Variants in MTA3 observed in about 807,000 individuals in gnomAD.
MTA3 encodes the protein metastasis associated 1 family member 3.
In MTA3, 34 loss-of-function variants were observed where a neutral mutation model predicts 83.5. The ratio of observed to expected loss-of-function variants is 0.41; its 90% confidence interval spans 0.31 to 0.54. The LOEUF (loss-of-function observed/expected upper bound fraction) is 0.54, where lower values mean the gene tolerates loss of function less well. MTA3 is among the 20% of genes least tolerant of loss of function. The pLI is 0.33. For synonymous variants in MTA3, 303 were observed against 252.7 expected (o/e 1.20, Z -1.89); for missense variants, 761 against 726.4 (o/e 1.05, Z -0.55).
intron 16 of MTA3, among the ~76,000 whole-genome samples, chr2:42,725,575 C>T (rs1469185866): frequency 6.6e-6 from 1 of 152,194 alleles, no homozygotes; most frequent in African/African-American, 2.4e-5. Flanking sequence ...TGGGAGAGCA[C>T]AAGGAAGAAG....
chr2:42,700,693 A>G (rs1454754087), intron 11 of MTA3, among the ~76,000 whole-genome samples: 5 of 152,236 alleles, frequency 3.3e-5, no homozygotes, highest in Admixed American at 2.6e-4. Flanking sequence ...AGATTTTTAA[A>G]AAAAGGAATA....
chr2:42,662,278 C>G (rs1006298632), intron 8 of MTA3, among the ~76,000 whole-genome samples: 1 of 151,726 alleles, frequency 6.6e-6, no homozygotes, highest in African/African-American at 2.4e-5. Flanking sequence ...CACACATATC[C>G]CTTTGTGAGC....
At chr2:42,594,037 C>A (rs928271324) in intron 3 of MTA3, among the ~76,000 whole-genome samples, 5 of 151,064 alleles carry the variant, frequency 3.3e-5, no homozygotes, top group Non-Finnish European at 7.4e-5. Flanking sequence ...CTGCAACTTC[C>A]CCCTGTCAGG....
In MTA3 at chr2:42,498,595, G is replaced by A. The variant is rs138378454; in HGVS notation, c.-141+3341G>A. Among the ~76,000 whole-genome samples the A allele has an allele frequency of 5.3e-3, 805 of 152,276 alleles. 5 individuals are homozygous for A. The highest frequency in any genetic ancestry group is 8.5e-3 in the Non-Finnish European group (581 of 68,040). The stretch of plus-strand genomic sequence containing the variant: ...TACACATATATGTAACATACATCGT[G>A]TTCACTTTGTGATGGGGCTTTAGCA... On this transcript the variant is annotated intron_variant, in intron 2 of 17. Transcript: ENST00000405592.
At chr2:42,501,426 A>C (rs1558399692) in intron 2 of MTA3, among the ~76,000 whole-genome samples, 1 of 152,202 alleles carries the variant, frequency 6.6e-6, no homozygotes, top group African/African-American at 2.4e-5. Flanking sequence ...CCTTACCTCA[A>C]AATGGCATAT....
intron 4 of MTA3, among the ~76,000 whole-genome samples, chr2:42,627,226 G>A (rs1431037384): frequency 1.3e-5 from 2 of 151,770 alleles, no homozygotes; most frequent in Non-Finnish European, 2.9e-5. Flanking sequence ...TGCAGGTGCT[G>A]GCCACCATGC....
At chr2:42,587,525 A>T (rs76898320) in intron 3 of MTA3, among the ~76,000 whole-genome samples, 14 of 151,688 alleles carry the variant, frequency 9.2e-5, no homozygotes, top group African/African-American at 2.9e-4. Flanking sequence ...CCTTTGCAAT[A>T]TTTTTTTTCA....
intron 4 of MTA3, among the ~76,000 whole-genome samples, chr2:42,634,734 G>T (rs1687019847): frequency 6.6e-6 from 1 of 151,508 alleles, no homozygotes; most frequent in South Asian, 2.1e-4. Context: ...CATTTGCTTG[G>T]TTCCAACTCT....
chr2:42,545,373 G>C (rs1308520835), intron 2 of MTA3, among the ~76,000 whole-genome samples: 8 of 151,906 alleles, frequency 5.3e-5, no homozygotes, highest in African/African-American at 1.9e-4. Context: ...GAGAAACCTT[G>C]TCTCAAAAAT....
intron 2 of MTA3, among the ~76,000 whole-genome samples, chr2:42,548,810 A>AAAAAT (rs1378498420): frequency 9.0e-5 from 6 of 66,492 alleles, no homozygotes; most frequent in African/African-American, 4.6e-4. Context: ...CTCAAAAAAA[A>AAAAAT]ATATATATAT....
intron 4 of MTA3, among the ~76,000 whole-genome samples, chr2:42,612,403 A>G (rs1399829992): frequency 6.6e-6 from 1 of 151,932 alleles, no homozygotes; most frequent in Non-Finnish European, 1.5e-5. Context: ...TTTTGTAGAG[A>G]TGGTGTCTTG....
intron 5 of MTA3, among the ~76,000 whole-genome samples, chr2:42,643,521 A>T (rs182249503): frequency 6.6e-6 from 1 of 152,264 alleles, no homozygotes; most frequent in East Asian, 1.9e-4. Flanking sequence ...CTATGTTTGT[A>T]TATCTGTCTA....
intron 8 of MTA3, among the ~76,000 whole-genome samples, chr2:42,675,878 C>T (rs1012951617): frequency 6.6e-6 from 1 of 152,194 alleles, no homozygotes; most frequent in Non-Finnish European, 1.5e-5. Context: ...AAAGAAACTT[C>T]TGTGTGTATC....
chr2:42,587,760 C>T (rs919786690), intron 3 of MTA3, among the ~76,000 whole-genome samples: 1 of 152,074 alleles, frequency 6.6e-6, no homozygotes, highest in African/African-American at 2.4e-5. Flanking sequence ...CCCCACCACA[C>T]CCAGCTAATT....
intron 9 of MTA3, 178 bp downstream of exon 9, chr2:42,682,767 G>T: frequency 1.6e-6 from 1 of 626,370 alleles, no homozygotes. Flanking sequence ...TGGAGGAGTA[G>T]TTGTAGTAAG....
exon 2 of MTA3, chr2:42,495,166 TG>T (rs1674075924): frequency 1.3e-5 from 2 of 152,684 alleles, no homozygotes; most frequent in African/African-American, 4.8e-5. Flanking sequence ...TTTGTAGGAT[TG>T]TCCGGTGCCC....
intron 2 of MTA3, among the ~76,000 whole-genome samples, chr2:42,527,036 A>AT (rs1675741298): frequency 7.1e-6 from 1 of 140,600 alleles, no homozygotes; most frequent in Non-Finnish European, 1.5e-5. Flanking sequence ...CCTGATAACA[A>AT]AGCAAGACTC....
intron 2 of MTA3, among the ~76,000 whole-genome samples, chr2:42,507,790 G>A (rs900490369): frequency 1.3e-5 from 2 of 151,688 alleles, no homozygotes; most frequent in Non-Finnish European, 2.9e-5. Flanking sequence ...AATTAGCCAA[G>A]CACGGGGGCG....
intron 16 of MTA3, among the ~76,000 whole-genome samples, chr2:42,741,052 G>A (rs984528237): frequency 1.7e-4 from 26 of 152,256 alleles, no homozygotes; most frequent in Admixed American, 1.4e-3. Flanking sequence ...ATCTTAGCTA[G>A]ATCTAGATAA....
Sources: gnomAD v4.1 joint callset for allele counts (sites outside exome capture counted in the v4.1 genomes callset) on GRCh38, gnomAD v4.1.1 for gene constraint, MANE v1.5 for transcripts, NCBI Gene and HGNC (gene_info 2026-07-23, HGNC 2026-07-21) for gene names.